The following SLC2A13 variants were observed in gnomAD, a reference collection of about 807,000 sequenced individuals.
SLC2A13 encodes the protein proton myo-inositol cotransporter.
Under a neutral mutation model 64.4 loss-of-function variants are expected in SLC2A13, and 32 were observed. That is an observed-to-expected ratio of 0.50 (90% CI 0.37 to 0.67). The LOEUF is 0.67. Among genes scored for constraint, SLC2A13 ranks in the 30% least tolerant of loss-of-function variants. The probability of loss-of-function intolerance (pLI) is 0.00; values close to 1 mark genes in which losing one functional copy is unlikely to be tolerated. For synonymous variants in SLC2A13, 338 were observed against 327.1 expected, an observed-to-expected ratio of 1.03 and a Z score of -0.36; for missense variants, 743 against 829.2, an observed-to-expected ratio of 0.90 and a Z score of 1.28.
rs147192353 is a variant in SLC2A13 at position 39,806,746 on chromosome 12, G to T, written c.1445+23357C>A. Among the ~76,000 whole-genome samples the T allele has an allele frequency of 6.0e-3, 918 of 152,244 alleles. 6 individuals carry two copies. The highest frequency in any genetic ancestry group is 0.017 in the Middle Eastern group (5 of 294). On this transcript the variant is annotated intron_variant, in intron 7 of 9. Coordinates refer to ENST00000280871, the MANE Select transcript of SLC2A13 (RefSeq NM_052885.4). ...GCTTAAATTATACTGTGGGAAACAT[G>T]GGTTGCTATGTTTTGTTATGGAATA...
intron 1 of SLC2A13, among the ~76,000 whole-genome samples, chr12:40,104,599 A>T (rs1486807818): frequency 2.0e-5 from 3 of 152,248 alleles, no homozygotes; most frequent in Non-Finnish European, 4.4e-5. Context: ...GATTCAAATG[A>T]AAAAGTTGGA....
At chr12:40,062,285 C>T (rs1948435310) in intron 1 of SLC2A13, among the ~76,000 whole-genome samples, 1 of 151,842 alleles carries the variant, frequency 6.6e-6, no homozygotes, top group Admixed American at 6.6e-5. Context: ...ATTTAATCTG[C>T]CCTAGCTGAT....
intron 7 of SLC2A13, among the ~76,000 whole-genome samples, chr12:39,780,203 AT>A (rs869279530): frequency 6.8e-6 from 1 of 148,028 alleles, no homozygotes; most frequent in Non-Finnish European, 1.5e-5. Context: ...CATTTTGCAT[AT>A]AAGTCTTTTT....
At chr12:39,979,147 G>A (rs1317492839) in intron 3 of SLC2A13, among the ~76,000 whole-genome samples, 1 of 149,532 alleles carries the variant, frequency 6.7e-6, no homozygotes, top group Non-Finnish European at 1.5e-5. Flanking sequence ...AAACAGAAAG[G>A]ACATCCACAC....
intron 4 of SLC2A13, among the ~76,000 whole-genome samples, chr12:39,928,655 G>C (rs1443655518): frequency 6.6e-6 from 1 of 152,090 alleles, no homozygotes; most frequent in Non-Finnish European, 1.5e-5. Flanking sequence ...AAACCCAGCA[G>C]CTTTATTTCC....
chr12:39,770,641 T>C (rs1017253936), intron 7 of SLC2A13, among the ~76,000 whole-genome samples: 1 of 152,152 alleles, frequency 6.6e-6, no homozygotes, highest in Admixed American at 6.5e-5. Flanking sequence ...GCATAGAGCA[T>C]CTGCACACTC....
chr12:40,075,625 G>T lies in SLC2A13; in HGVS notation c.557-27415C>A, dbSNP rs555892344. ...GAAGTTTGCTGAGTTTCTTGAATCT[G>T]TAAGTTTATGTCTTTCACCAAGTTT... On this transcript the variant is annotated intron_variant, in intron 1 of 9. Coordinates refer to ENST00000280871, the MANE Select transcript of SLC2A13 (RefSeq NM_052885.4). 2.4e-4 allele frequency among the ~76,000 whole-genome samples: 37 copies of T among 152,224 alleles called. 2 individuals carry two copies. The South Asian group carries it at 7.5e-3, about 31-fold the overall frequency.
chr12:39,767,355 C>T (rs1159662010), intron 7 of SLC2A13, among the ~76,000 whole-genome samples: 1 of 151,270 alleles, frequency 6.6e-6, no homozygotes, highest in East Asian at 2.0e-4. Flanking sequence ...AAATATTCTC[C>T]AAACTATGCT....
intron 3 of SLC2A13, among the ~76,000 whole-genome samples, chr12:39,995,746 T>C (rs1393176002): frequency 6.6e-6 from 1 of 152,176 alleles, no homozygotes; most frequent in East Asian, 1.9e-4. Flanking sequence ...GGTCATTGAA[T>C]CATGGGGGGC....
intron 7 of SLC2A13, among the ~76,000 whole-genome samples, chr12:39,822,859 G>A (rs575010956): frequency 6.6e-6 from 1 of 152,326 alleles, no homozygotes; most frequent in East Asian, 1.9e-4. Flanking sequence ...CTGTTAACAA[G>A]TGTTTATTTA....
At chr12:39,958,084 A>C (rs1946347718) in intron 3 of SLC2A13, among the ~76,000 whole-genome samples, 1 of 152,228 alleles carries the variant, frequency 6.6e-6, no homozygotes, top group East Asian at 1.9e-4. Context: ...ACCCCATGTT[A>C]TCTAATTTCA....
intron 5 of SLC2A13, among the ~76,000 whole-genome samples, chr12:39,869,795 C>A (rs1198790837): frequency 6.6e-6 from 1 of 152,206 alleles, no homozygotes; most frequent in East Asian, 1.9e-4. Context: ...TGCTTTTGCA[C>A]TAAGTTTGTT....
intron 1 of SLC2A13, among the ~76,000 whole-genome samples, chr12:40,057,891 C>T (rs950583907): frequency 6.6e-5 from 10 of 152,178 alleles, no homozygotes; most frequent in Non-Finnish European, 1.2e-4. Flanking sequence ...GAAACTTAGA[C>T]TGAATGGACC....
chr12:39,841,987 T>C (rs1446636470), intron 6 of SLC2A13, among the ~76,000 whole-genome samples: 1 of 152,114 alleles, frequency 6.6e-6, no homozygotes, highest in Non-Finnish European at 1.5e-5. Context: ...CATGTTCTCA[T>C]TTAATTCTTA....
Position 39,764,763 on chromosome 12 carries a change from A to C in SLC2A13, c.1541T>G (p.Ile514Ser). Residue 514 changes from isoleucine (I) to serine (S), a missense_variant, in exon 8 of 10, where the codon ATT (isoleucine) becomes AGT (serine). Ile to Ser is a moderately radical substitution (Grantham distance 142). Coordinates refer to ENST00000280871, the MANE Select transcript of SLC2A13 (RefSeq NM_052885.4). ...AGGTGCAAAGAAGACAAGATATAAA[A>C]TAAGGCCCAGAAGTGCAGTCCAGGA... ...PYSWTALLGLILYLVFFAPGM... is the reference protein window; with the variant it reads ...PYSWTALLGLSLYLVFFAPGM... The C allele has an allele frequency of 6.2e-7, 1 of 1,612,852 alleles. No homozygotes were observed. The highest frequency in any genetic ancestry group is 1.1e-5 in the South Asian group (1 of 90,970).
chr12:39,879,579 G>A (rs1351306397), intron 4 of SLC2A13, among the ~76,000 whole-genome samples: 1 of 152,194 alleles, frequency 6.6e-6, no homozygotes, highest in Non-Finnish European at 1.5e-5. Flanking sequence ...CTTGCATGGG[G>A]CCTGTACCCC....
rs1252106915 is a variant in SLC2A13, at chr12:40,075,704, T to G, written c.557-27494A>C. 2.0e-5 allele frequency among the ~76,000 whole-genome samples: 3 copies of G among 152,300 alleles called. No individual in the cohort carries two copies. The East Asian group carries it at 5.8e-4, about 29-fold the overall frequency. ...ATATTTTTTCTTCAGATATTTGTTT[T>G]TCCTCTTCTGGCATTATGCTGACAC... On this transcript the variant is annotated intron_variant, in intron 1 of 9. Transcript: ENST00000280871.
chr12:39,779,294 C>G (rs1487135488), intron 7 of SLC2A13, among the ~76,000 whole-genome samples: 1 of 152,150 alleles, frequency 6.6e-6, no homozygotes, highest in African/African-American at 2.4e-5. Context: ...ACGGGAAGGA[C>G]TGCTTAACAC....
intron 4 of SLC2A13, 105 bp downstream of exon 4, chr12:39,951,152 G>C (rs906286915): frequency 1.0e-5 from 10 of 964,526 alleles, no homozygotes; most frequent in Non-Finnish European, 1.5e-5. Context: ...CATTTAATCA[G>C]AACAAATCAC....
Sources: allele counts gnomAD v4.1 joint callset (sites outside exome capture counted in the v4.1 genomes callset), GRCh38; gene constraint gnomAD v4.1.1; transcripts MANE v1.5; gene names NCBI Gene and HGNC (gene_info 2026-07-23, HGNC 2026-07-21).